The following TTYH3 variants were observed in gnomAD, a reference collection of about 807,000 sequenced individuals.
TTYH3 encodes tweety family member 3.
Under a neutral mutation model 68.2 loss-of-function variants are expected in TTYH3, and 23 were observed. The observed-to-expected ratio is 0.34, with a 90% CI of 0.24 to 0.48. TTYH3 has a LOEUF of 0.48. Among genes scored for constraint, TTYH3 ranks in the 20% least tolerant of loss-of-function variants. TTYH3 has a pLI of 0.99. For synonymous variants in TTYH3, 360 were observed against 332.8 expected, an observed-to-expected ratio of 1.08 and a Z score of -0.89; for missense variants, 768 against 727.7, an observed-to-expected ratio of 1.06 and a Z score of -0.64.
rs534407704 is a variant in TTYH3 at position 2,660,254 on chromosome 7, C to G, written c.1500+1239C>G. The stretch of plus-strand genomic sequence containing the variant: ...CCTCACAGTGGGGTTGGCAAGTCCC[C>G]TTCCAGGCTCCCCCTGCCCAGTTGC... On this transcript the variant is annotated intron_variant, in intron 13 of 13. Transcript: ENST00000258796. 8.7e-5 allele frequency: 86 copies of G among 985,404 alleles called. No individual in the cohort carries two copies. In the East Asian group the frequency reaches 7.7e-3, roughly 88 times the overall value. The allele number at this position is 985,404 out of a possible 1,614,324, so 61.0% of individuals were successfully genotyped here. A position where few individuals can be genotyped will look rare whatever the true frequency, so the allele number is the denominator to read the frequency against.
rs754580213 is a variant in TTYH3 at position 2,656,518 on chromosome 7, A to G, written c.1234A>G (p.Thr412Ala). Reference sequence around the variant, plus strand: ...CTCCATCGTCTGCAGCGTCCCGCACACCTGGCAGCAAAAGAGGTGAGGGGC... The same window carrying G: ...CTCCATCGTCTGCAGCGTCCCGCACGCCTGGCAGCAAAAGAGGTGAGGGGC... ...FSSIVCSVPH[T>A]WQQKRGPDED... Residue 412 changes from threonine to alanine, a missense_variant, in exon 11 of 14, where the codon ACC becomes GCC. Physicochemically the swap from Thr to Ala is moderately conservative, Grantham distance 58 (BLOSUM62 0). Coordinates refer to ENST00000258796, the MANE Select transcript of TTYH3 (RefSeq NM_025250.3). 4 of 1,602,894 alleles carry G rather than the reference A, an allele frequency of 2.5e-6. No individual in the cohort carries two copies. In the African/African-American group the frequency reaches 5.4e-5, roughly 22 times the overall value.
chr7:2,639,070 C>G (rs1233546169), intron 1 of TTYH3, among the ~76,000 whole-genome samples: 1 of 152,148 alleles, frequency 6.6e-6, no homozygotes, highest in African/African-American at 2.4e-5. Context: ...TCGGTCTGCA[C>G]TGGGGTGTGG....
intron 12 of TTYH3, 51 bp from the exon 13 acceptor site, chr7:2,658,889 G>A: frequency 6.3e-7 from 1 of 1,578,750 alleles, no homozygotes; most frequent in Non-Finnish European, 8.7e-7. Context: ...ACCTGCAGCT[G>A]GGACTGCATG....
rs777347237 is a variant in TTYH3 at position 2,659,042 on chromosome 7, G to C, written c.1500+27G>C. ...TAAGTCTTGGGGCAGGAGGGTGGAT[G>C]GGGGGCTGCTCAGCCTTGGGGGTCC... On this transcript the variant is annotated intron_variant, in intron 13 of 13. Coordinates refer to ENST00000258796, the MANE Select transcript of TTYH3 (RefSeq NM_025250.3). 3 of 1,608,342 alleles carry C rather than the reference G, an allele frequency of 1.9e-6. No individual in the cohort carries two copies. In the East Asian group the frequency reaches 6.7e-5, roughly 36 times the overall value.
intron 8 of TTYH3, among the ~76,000 whole-genome samples, chr7:2,652,451 G>T (rs910076574): frequency 1.3e-5 from 2 of 152,182 alleles, no homozygotes; most frequent in South Asian, 2.1e-4. Flanking sequence ...AGAGCCTTTC[G>T]GGGGGACCTG....
At chr7:2,649,755 G>A (rs575326525) in intron 6 of TTYH3, 116 bp downstream of exon 6, 92 of 1,448,254 alleles carry the variant, frequency 6.4e-5, no homozygotes, top group South Asian at 3.7e-4. Context: ...TCCCGAGAGC[G>A]GTGGGGACCC....
At chr7:2,638,169 C>G (rs1039964814) in intron 1 of TTYH3, among the ~76,000 whole-genome samples, 1 of 152,034 alleles carries the variant, frequency 6.6e-6, no homozygotes, top group South Asian at 2.1e-4. Flanking sequence ...AGATGGGGCT[C>G]CAGTCTGGCG....
intron 4 of TTYH3, 120 bp downstream of exon 4, chr7:2,647,758 A>C (rs996908071): frequency 8.5e-7 from 1 of 1,183,312 alleles, no homozygotes; most frequent in Non-Finnish European, 1.2e-6. Context: ...GCCCAGGGCC[A>C]CTGGAGGTCA....
chr7:2,656,390 G>T lies in TTYH3; in HGVS notation c.1114-8G>T. On this transcript the variant is annotated splice_polypyrimidine_tract_variant and splice_region_variant and intron_variant, in intron 10 of 13. Transcript: ENST00000258796. ...TCTGGATCCTGCCATCTCATCCCACGGCCTCAGGACTACGTGCAAGCGCTG... is the reference window on the plus strand; with the variant it reads ...TCTGGATCCTGCCATCTCATCCCACTGCCTCAGGACTACGTGCAAGCGCTG... The T allele has an allele frequency of 6.2e-7, 1 of 1,605,210 alleles. No individual in the cohort carries two copies. Among genetic ancestry groups the T allele is most frequent in the East Asian group, 2.2e-5 (1 of 44,750 alleles).
In TTYH3 at chr7:2,647,642, C is replaced by A; in HGVS notation, c.626+4C>A. 1.3e-6 allele frequency: 2 copies of A among 1,553,118 alleles called. No homozygotes were observed. Among genetic ancestry groups the A allele is most frequent in the South Asian group, 2.4e-5 (2 of 84,520 alleles). Reference sequence around the variant, plus strand: ...TGGATCTCTACGACTGGTACAGGTGCGGCCAGGCCCTCTTCCCTGCCCGCC... The same window carrying A: ...TGGATCTCTACGACTGGTACAGGTGAGGCCAGGCCCTCTTCCCTGCCCGCC... On this transcript the variant is annotated splice_donor_region_variant and intron_variant, in intron 4 of 13. Coordinates refer to ENST00000258796, the MANE Select transcript of TTYH3 (RefSeq NM_025250.3).
chr7:2,641,561 C>T (rs1444747866), intron 1 of TTYH3, among the ~76,000 whole-genome samples: 4 of 152,232 alleles, frequency 2.6e-5, no homozygotes, highest in Non-Finnish European at 4.4e-5. Flanking sequence ...CTCGCCTGAC[C>T]GAGCCCTTAC....
At chr7:2,655,490 C>T (rs11983837) in intron 9 of TTYH3, among the ~76,000 whole-genome samples, 75 of 152,324 alleles carry the variant, frequency 4.9e-4, no homozygotes, top group African/African-American at 1.7e-3. Context: ...GAAAACGTGC[C>T]GTAAAAGGCA....
chr7:2,661,457 CCCTCAG>C (rs1282280349), intron 13 of TTYH3, among the ~76,000 whole-genome samples: 2 of 152,136 alleles, frequency 1.3e-5, no homozygotes, highest in African/African-American at 4.8e-5. Flanking sequence ...GGCTGCCCCT[CCCTCAG>C]CCTCAGCCAG....
Position 2,647,166 on chromosome 7 carries a change from C to A in TTYH3, c.318C>A (p.Tyr106Ter), listed in dbSNP as rs1343198876. ...GCGCCGGCATCGCAGTGGGATTCTA[C>A]GGCAACGGGGAGACCAGTGATGGCA... ...VCSAGIAVGF[Y>*]GNGETSDGIH... Residue 106 changes from tyrosine (Y) to a stop codon, truncating the protein, a stop_gained, in exon 3 of 14, where the codon TAC (tyrosine) becomes TAA (stop). Transcript: ENST00000258796. LOFTEE classifies it high-confidence loss of function. 6.2e-7 allele frequency: 1 copy of A among 1,606,232 alleles called. No individual in the cohort carries two copies. The highest frequency in any genetic ancestry group is 8.5e-7 in the Non-Finnish European group (1 of 1,177,868).
intron 13 of TTYH3, chr7:2,660,581 C>T: frequency 1.0e-6 from 1 of 980,372 alleles, no homozygotes; most frequent in Non-Finnish European, 1.2e-6. Flanking sequence ...CCCCCATCCC[C>T]TCCCCTTGTG....
At chr7:2,635,702 C>A (rs1316655073) in intron 1 of TTYH3, among the ~76,000 whole-genome samples, 1 of 152,210 alleles carries the variant, frequency 6.6e-6, no homozygotes, top group Non-Finnish European at 1.5e-5. Flanking sequence ...CGTGCTGGCC[C>A]TGGCAGGTGA....
rs1189324677 is a variant in TTYH3, at chr7:2,653,023, G to C, written c.1020+13G>C. 1 of 1,559,878 alleles carries C rather than the reference G, an allele frequency of 6.4e-7. No homozygotes were observed. Among genetic ancestry groups the C allele is most frequent in the Non-Finnish European group, 8.7e-7 (1 of 1,150,580 alleles). On this transcript the variant is annotated intron_variant, in intron 9 of 13. Transcript: ENST00000258796. ...GCCGGCCACTAAGGTGAGGGGCTGCGGGGTAGGCACTGGGGCAGGCAGGGC... is the reference window on the plus strand; with the variant it reads ...GCCGGCCACTAAGGTGAGGGGCTGCCGGGTAGGCACTGGGGCAGGCAGGGC...
chr7:2,661,694 C>G lies in TTYH3; in HGVS notation c.1527C>G (p.Tyr509Ter), dbSNP rs1159021381. The G allele has an allele frequency of 6.2e-7, 1 of 1,611,644 alleles. No homozygotes were observed. Among genetic ancestry groups the G allele is most frequent in the Non-Finnish European group, 8.5e-7 (1 of 1,179,304 alleles). The change falls in exon 14 of 14, where the codon TAC (tyrosine) becomes TAG (stop). Residue 509 changes from tyrosine to a stop codon, truncating the protein, a stop_gained. Transcript: ENST00000258796. LOFTEE classifies it high-confidence loss of function. ...PSYTSSMRAK[Y>*]LATSQPRPDS... ...ACACCTCCAGCATGAGAGCCAAATA[C>G]CTCGCCACGAGCCAGCCTCGCCCTG...
intron 1 of TTYH3, among the ~76,000 whole-genome samples, chr7:2,643,354 CA>C (rs34320575): frequency 0.048 from 4,848 of 100,540 alleles, 241 homozygotes; most frequent in African/African-American, 0.14. Flanking sequence ...GACTCTGTCT[CA>C]AAAAAAAAAA....
Sources: allele counts gnomAD v4.1 joint callset (sites outside exome capture counted in the v4.1 genomes callset), GRCh38; gene constraint gnomAD v4.1.1; transcripts MANE v1.5; gene names NCBI Gene and HGNC (gene_info 2026-07-23, HGNC 2026-07-21).